ZNF385B: variants seen among roughly 807,000 people sequenced by gnomAD.
ZNF385B encodes the protein zinc finger protein 385B.
ZNF385B carries 23 observed loss-of-function variants against 39.2 expected under a neutral mutation model. The ratio of observed to expected loss-of-function variants is 0.59; its 90% CI spans 0.42 to 0.83. The LOEUF is 0.83. Ranked by LOEUF, ZNF385B falls within the 40% of genes least tolerant of loss-of-function variation. The pLI, the probability that ZNF385B is intolerant of heterozygous loss-of-function variation, is 0.00. For synonymous variants in ZNF385B, 205 were observed against 222.6 expected (o/e 0.92, Z 0.70); for missense variants, 552 against 598.9 (o/e 0.92, Z 0.82).
intron 3 of ZNF385B, among the ~76,000 whole-genome samples, chr2:179,658,648 T>C (rs1388269644): frequency 6.6e-6 from 1 of 152,230 alleles, no homozygotes; most frequent in Non-Finnish European, 1.5e-5. Flanking sequence ...AATTATAGAC[T>C]TTCTCTGTGC....
intron 3 of ZNF385B, among the ~76,000 whole-genome samples, chr2:179,654,580 T>C (rs907841988): frequency 6.6e-6 from 1 of 152,188 alleles, no homozygotes; most frequent in African/African-American, 2.4e-5. Flanking sequence ...GAATGAAGAA[T>C]ACCATATTAA....
intron 3 of ZNF385B, among the ~76,000 whole-genome samples, chr2:179,655,749 C>T (rs781325976): frequency 1.4e-4 from 21 of 152,116 alleles, no homozygotes; most frequent in Non-Finnish European, 2.8e-4. Flanking sequence ...ATCTATCCTA[C>T]AATTACATGT....
chr2:179,642,975 G>T (rs1295668578), intron 3 of ZNF385B, among the ~76,000 whole-genome samples: 2 of 152,130 alleles, frequency 1.3e-5, no homozygotes, highest in Non-Finnish European at 2.9e-5. Context: ...GACTGTTTCA[G>T]TTGTGAGCTG....
intron 3 of ZNF385B, among the ~76,000 whole-genome samples, chr2:179,647,955 G>A (rs1428626274): frequency 6.6e-6 from 1 of 152,112 alleles, no homozygotes; most frequent in African/African-American, 2.4e-5. Context: ...CACCATGGGG[G>A]TGGGGGACCC....
At chr2:179,615,651 G>A (rs1002867092) in intron 3 of ZNF385B, among the ~76,000 whole-genome samples, 6 of 152,268 alleles carry the variant, frequency 3.9e-5, no homozygotes, top group Admixed American at 6.5e-5. Flanking sequence ...TTTTAGAACC[G>A]GGCTTGTAAG....
chr2:179,487,033 A>G (rs1305635788), intron 5 of ZNF385B, among the ~76,000 whole-genome samples: 1 of 152,276 alleles, frequency 6.6e-6, no homozygotes, highest in Non-Finnish European at 1.5e-5. Flanking sequence ...TAAATAGTGC[A>G]GCGTTACTTT....
intron 6 of ZNF385B, among the ~76,000 whole-genome samples, chr2:179,466,944 A>AG (rs60972568): frequency 8.7e-5 from 12 of 138,424 alleles, no homozygotes; most frequent in African/African-American, 3.0e-4. Context: ...AAAAAAAAAA[A>AG]GAGAGAGAGA....
At chr2:179,860,608 TCTGCTGCAGAA>T (rs2105463799) in intron 1 of ZNF385B, among the ~76,000 whole-genome samples, 2 of 152,212 alleles carry the variant, frequency 1.3e-5, no homozygotes, top group East Asian at 3.9e-4. Context: ...TCATCTGGGT[TCTGCTGCAGAA>T]CTCTCCCACG....
intron 7 of ZNF385B, among the ~76,000 whole-genome samples, chr2:179,446,240 A>G (rs533179836): frequency 1.3e-5 from 2 of 152,326 alleles, no homozygotes; most frequent in African/African-American, 4.8e-5. Flanking sequence ...AACACTGTGC[A>G]TAAATATTTA....
At chr2:179,797,513 G>T (rs1391507329) in intron 1 of ZNF385B, among the ~76,000 whole-genome samples, 1 of 152,078 alleles carries the variant, frequency 6.6e-6, no homozygotes, top group Non-Finnish European at 1.5e-5. Flanking sequence ...CCTGAATCAG[G>T]ATCTGAATAA....
intron 3 of ZNF385B, among the ~76,000 whole-genome samples, chr2:179,737,918 C>T (rs937974860): frequency 9.9e-5 from 15 of 152,192 alleles, no homozygotes; most frequent in African/African-American, 3.6e-4. Flanking sequence ...ACTGCTTCTC[C>T]TGAATGCAGA....
At chr2:179,737,166 C>T in intron 3 of ZNF385B, among the ~76,000 whole-genome samples, 1 of 152,158 alleles carries the variant, frequency 6.6e-6, no homozygotes, top group African/African-American at 2.4e-5. Flanking sequence ...CATATGAAAG[C>T]TGTTGAGTGG....
chr2:179,713,209 A>G (rs1388496734), intron 3 of ZNF385B, among the ~76,000 whole-genome samples: 1 of 152,232 alleles, frequency 6.6e-6, no homozygotes, highest in Non-Finnish European at 1.5e-5. Flanking sequence ...TGGGGATGCA[A>G]CCTCATCCTA....
At chr2:179,703,950 A>G (rs1470339770) in intron 3 of ZNF385B, among the ~76,000 whole-genome samples, 1 of 152,258 alleles carries the variant, frequency 6.6e-6, no homozygotes, top group Non-Finnish European at 1.5e-5. Context: ...AGACCAAGTC[A>G]GATGATAAAT....
intron 6 of ZNF385B, among the ~76,000 whole-genome samples, chr2:179,459,330 A>G (rs1167546698): frequency 6.6e-6 from 1 of 152,218 alleles, no homozygotes; most frequent in Non-Finnish European, 1.5e-5. Flanking sequence ...TGGGGCAGAT[A>G]CAATATAGGC....
intron 3 of ZNF385B, among the ~76,000 whole-genome samples, chr2:179,563,017 C>T (rs1012332903): frequency 2.6e-5 from 4 of 152,038 alleles, no homozygotes; most frequent in Non-Finnish European, 5.9e-5. Flanking sequence ...GTTTCCTTTC[C>T]CATGGATTTT....
chr2:179,620,341 T>C (rs1690106601), intron 3 of ZNF385B, among the ~76,000 whole-genome samples: 1 of 152,206 alleles, frequency 6.6e-6, no homozygotes, highest in Non-Finnish European at 1.5e-5. Context: ...TCTTCGGATC[T>C]GGGGCACTCT....
intron 1 of ZNF385B, among the ~76,000 whole-genome samples, chr2:179,853,622 A>G (rs1445304912): frequency 6.6e-6 from 1 of 152,244 alleles, no homozygotes; most frequent in Non-Finnish European, 1.5e-5. Flanking sequence ...GAGTTGCACA[A>G]GTTATCTTGG....
intron 3 of ZNF385B, among the ~76,000 whole-genome samples, chr2:179,723,643 A>C (rs1026839931): frequency 6.6e-6 from 1 of 152,180 alleles, no homozygotes; most frequent in Admixed American, 6.5e-5. Flanking sequence ...AAAGAAAAGC[A>C]AGAGAATAAT....
Sources: allele counts gnomAD v4.1 joint callset (sites outside exome capture counted in the v4.1 genomes callset), GRCh38; gene constraint gnomAD v4.1.1; transcripts MANE v1.5; gene names NCBI Gene and HGNC (gene_info 2026-07-23, HGNC 2026-07-21).